CARMIL1: variants seen among roughly 807,000 people sequenced by gnomAD.
The protein encoded by CARMIL1 is F-actin-uncapping protein LRRC16A.
CARMIL1 carries 90 observed loss-of-function variants against 177.1 expected under a neutral mutation model. The ratio of observed to expected loss-of-function variants is 0.51; its 90% CI spans 0.43 to 0.61. The LOEUF (loss-of-function observed/expected upper bound fraction) is 0.61. Ranked by LOEUF, CARMIL1 falls within the 20% of genes least tolerant of loss-of-function variation. The pLI is 0.00. For missense variants in CARMIL1, 1,380 were observed against 1,667.0 expected (o/e 0.83, Z 3.00); for synonymous variants, 577 against 606.2 (o/e 0.95, Z 0.71).
intron 2 of CARMIL1, among the ~76,000 whole-genome samples, chr6:25,303,448 C>T (rs1402708706): frequency 6.6e-6 from 1 of 152,174 alleles, no homozygotes; most frequent in African/African-American, 2.4e-5. Context: ...AATAGGTGTG[C>T]TGGGTGAGAA....
At chr6:25,615,206 T>G (rs552150270) in intron 36 of CARMIL1, among the ~76,000 whole-genome samples, 2 of 152,396 alleles carry the variant, frequency 1.3e-5, no homozygotes, top group Non-Finnish European at 2.9e-5. Context: ...TACTTTCTTT[T>G]AAGTCTTTTA....
chr6:25,449,584 C>T (rs970356435), intron 5 of CARMIL1, among the ~76,000 whole-genome samples: 1 of 152,086 alleles, frequency 6.6e-6, no homozygotes, highest in Non-Finnish European at 1.5e-5. Context: ...TTGGTATATA[C>T]GTAATCTAAT....
At chr6:25,362,980 A>G (rs1340167790) in intron 2 of CARMIL1, among the ~76,000 whole-genome samples, 1 of 152,198 alleles carries the variant, frequency 6.6e-6, no homozygotes, top group African/African-American at 2.4e-5. Flanking sequence ...GGTTGCAGTG[A>G]GCCGAGATTG....
chr6:25,591,314 C>T lies in CARMIL1; in HGVS notation c.3007-3101C>T, dbSNP rs76224172. On this transcript the variant is annotated intron_variant, in intron 31 of 36. Coordinates refer to ENST00000329474, the MANE Select transcript of CARMIL1 (RefSeq NM_017640.6). ...CACCAGCTTATTTTCTCAGCATTCACGAGTTATCCTTTTAGCACTTACACA... is the reference window on the plus strand; with the variant it reads ...CACCAGCTTATTTTCTCAGCATTCATGAGTTATCCTTTTAGCACTTACACA... Among the ~76,000 whole-genome samples, 1,168 of 152,330 alleles carry T rather than the reference C, an allele frequency of 7.7e-3. 19 individuals carry two copies. The highest frequency in any genetic ancestry group is 0.025 in the African/African-American group (1,060 of 41,572).
intron 3 of CARMIL1, among the ~76,000 whole-genome samples, chr6:25,423,816 A>G (rs1004423967): frequency 3.9e-5 from 6 of 152,172 alleles, no homozygotes; most frequent in Admixed American, 2.0e-4. Context: ...GGTGATATTT[A>G]ATTAGTGTAA....
At chr6:25,516,962 A>C (rs1031420717) in intron 21 of CARMIL1, among the ~76,000 whole-genome samples, 1 of 152,218 alleles carries the variant, frequency 6.6e-6, no homozygotes, top group Admixed American at 6.5e-5. Context: ...TATATTGGGC[A>C]TGGAACTGGT....
intron 2 of CARMIL1, among the ~76,000 whole-genome samples, chr6:25,413,564 T>C (rs1795104908): frequency 6.6e-6 from 1 of 152,242 alleles, no homozygotes; most frequent in Non-Finnish European, 1.5e-5. Context: ...TAAGGAGGAC[T>C]TATAAATGTT....
intron 2 of CARMIL1, among the ~76,000 whole-genome samples, chr6:25,320,940 A>G (rs1231185851): frequency 1.3e-5 from 2 of 152,258 alleles, no homozygotes; most frequent in African/African-American, 4.8e-5. Context: ...AAGAAAGTGT[A>G]TGAATTTTTG....
At chr6:25,569,094 A>G (rs1811832850) in intron 29 of CARMIL1, among the ~76,000 whole-genome samples, 1 of 152,248 alleles carries the variant, frequency 6.6e-6, no homozygotes, top group African/African-American at 2.4e-5. Flanking sequence ...ATAATATTGC[A>G]TATTTTTTTG....
chr6:25,283,883 T>TC (rs1781329148), intron 1 of CARMIL1, among the ~76,000 whole-genome samples: 1 of 151,026 alleles, frequency 6.6e-6, no homozygotes, highest in African/African-American at 2.4e-5. Flanking sequence ...CTGGCTAATT[T>TC]TTTTTTGTAT....
chr6:25,302,960 C>T (rs893477333), intron 2 of CARMIL1, among the ~76,000 whole-genome samples: 3 of 152,040 alleles, frequency 2.0e-5, no homozygotes, highest in Non-Finnish European at 4.4e-5. Context: ...ACCACTGTCT[C>T]AGGAATGTGA....
intron 1 of CARMIL1, 67 bp downstream of exon 1, chr6:25,279,902 C>A: frequency 6.5e-7 from 1 of 1,548,384 alleles, no homozygotes; most frequent in Non-Finnish European, 8.9e-7. Flanking sequence ...TCTCCCTTCC[C>A]ACCTCTGCTT....
intron 2 of CARMIL1, among the ~76,000 whole-genome samples, chr6:25,415,570 G>A (rs1795288250): frequency 6.6e-6 from 1 of 151,620 alleles, no homozygotes; most frequent in Admixed American, 6.6e-5. Context: ...GTTAGTGATT[G>A]CTGTTGTATT....
At chr6:25,377,061 C>T (rs1206521954) in intron 2 of CARMIL1, among the ~76,000 whole-genome samples, 2 of 152,136 alleles carry the variant, frequency 1.3e-5, no homozygotes, top group African/African-American at 4.8e-5. Flanking sequence ...GTGACTGTAC[C>T]CCTCATCCAA....
chr6:25,536,752 AT>A (rs1808342581), intron 24 of CARMIL1, among the ~76,000 whole-genome samples: 1 of 152,182 alleles, frequency 6.6e-6, no homozygotes, highest in Non-Finnish European at 1.5e-5. Context: ...TCATTTTGAA[AT>A]TTATGGGGGA....
In CARMIL1 at chr6:25,485,479, G is replaced by A. The variant is rs564287173; in HGVS notation, c.962-3003G>A. ...CGCTCGGGCTGGAGTGCAGTTGCAC[G>A]ATCTTGGCTCACTTGCATGATCTTG... On this transcript the variant is annotated intron_variant, in intron 12 of 36. Coordinates refer to ENST00000329474, the MANE Select transcript of CARMIL1 (RefSeq NM_017640.6). Among the ~76,000 whole-genome samples, 197 of 152,304 alleles carry A rather than the reference G, an allele frequency of 1.3e-3. 1 individual carries two copies. Among genetic ancestry groups the A allele is most frequent in the African/African-American group, 4.4e-3 (185 of 41,574 alleles).
rs1796296544 is a variant in CARMIL1, at chr6:25,426,569, G to A, written c.249+9G>A. The A allele has an allele frequency of 6.2e-7, 1 of 1,609,136 alleles. No individual in the cohort carries two copies. Among genetic ancestry groups the A allele is most frequent in the African/African-American group, 1.3e-5 (1 of 74,756 alleles). On this transcript the variant is annotated intron_variant, in intron 4 of 36. Transcript: ENST00000329474. ...GCAGCAAGTCAGCTCAGGTGAGTGT[G>A]AAAAATGGATCACTGCAAGATCATG...
intron 2 of CARMIL1, among the ~76,000 whole-genome samples, chr6:25,324,787 G>C (rs1159057190): frequency 6.6e-6 from 1 of 151,978 alleles, no homozygotes. Flanking sequence ...TGTCAGGGAA[G>C]GGGGGGTGTT....
At chr6:25,390,054 A>G (rs1331155327) in intron 2 of CARMIL1, among the ~76,000 whole-genome samples, 1 of 152,142 alleles carries the variant, frequency 6.6e-6, no homozygotes, top group Admixed American at 6.5e-5. Context: ...ATGCTTTCCT[A>G]GATGCACCAT....
Sources: gnomAD v4.1 joint callset for allele counts (sites outside exome capture counted in the v4.1 genomes callset) on GRCh38, gnomAD v4.1.1 for gene constraint, MANE v1.5 for transcripts, NCBI Gene and HGNC (gene_info 2026-07-23, HGNC 2026-07-21) for gene names.